SOX5: variants seen among roughly 807,000 people sequenced by gnomAD.
SOX5 encodes SRY-box transcription factor 5, also known as transcription factor SOX-5.
A neutral mutation model predicts 92.0 loss-of-function variants in SOX5; 9 were observed. The observed-to-expected ratio is 0.10, with a 90% CI of 0.06 to 0.17. The LOEUF (loss-of-function observed/expected upper bound fraction) is 0.17, where lower values mean the gene tolerates loss of function less well. Among genes scored for constraint, SOX5 ranks in the 10% least tolerant of loss-of-function variants. The probability of loss-of-function intolerance (pLI) is 1.00; values close to 1 mark genes in which losing one functional copy is unlikely to be tolerated. For missense variants in SOX5, 642 were observed against 944.5 expected (o/e 0.68, Z 4.20); for synonymous variants, 344 against 336.3 (o/e 1.02, Z -0.25).
intron 1 of SOX5, among the ~76,000 whole-genome samples, chr12:24,510,887 C>A (rs936890825): frequency 6.6e-6 from 1 of 152,186 alleles, no homozygotes; most frequent in Non-Finnish European, 1.5e-5. Context: ...GGAAAGTATT[C>A]TTGGCTGAAA....
At chr12:24,395,255 A>G (rs961129168) in intron 1 of SOX5, among the ~76,000 whole-genome samples, 6 of 152,190 alleles carry the variant, frequency 3.9e-5, no homozygotes, top group Non-Finnish European at 7.3e-5. Flanking sequence ...TATTAAAAAA[A>G]AAAAGAGCTA....
chr12:23,592,161 T>G (rs913557255), intron 9 of SOX5, among the ~76,000 whole-genome samples: 2 of 152,080 alleles, frequency 1.3e-5, no homozygotes, highest in African/African-American at 4.8e-5. Flanking sequence ...TTCGTGAAAA[T>G]GTGAGGTTAT....
intron 4 of SOX5, among the ~76,000 whole-genome samples, chr12:24,116,072 A>C (rs1947956557): frequency 6.6e-6 from 1 of 152,156 alleles, no homozygotes; most frequent in Non-Finnish European, 1.5e-5. Context: ...AAGTAAAGTA[A>C]TATAACTATC....
chr12:24,401,672 C>T (rs1196991309), intron 1 of SOX5, among the ~76,000 whole-genome samples: 3 of 140,398 alleles, frequency 2.1e-5, no homozygotes, highest in African/African-American at 5.4e-5. Context: ...TGAGCCACTT[C>T]GCTCCAGCCT....
chr12:24,146,626 T>A (rs1317492784), intron 4 of SOX5, among the ~76,000 whole-genome samples: 1 of 149,858 alleles, frequency 6.7e-6, no homozygotes, highest in African/African-American at 2.5e-5. Flanking sequence ...GAAAAGTAAA[T>A]TCAATGAAAC....
At chr12:23,866,736 T>C (rs1179361933) in intron 2 of SOX5, among the ~76,000 whole-genome samples, 1 of 152,194 alleles carries the variant, frequency 6.6e-6, no homozygotes, top group Non-Finnish European at 1.5e-5. Context: ...TGGTTTTTCA[T>C]CCTTCTCCGA....
At position 24,398,115 on chromosome 12, in the gene SOX5, G is replaced by T. The variant is rs181463739; in HGVS notation, c.-250-29476C>A. On this transcript the variant is annotated intron_variant, in intron 1 of 4. Coordinates refer to the SOX5 transcript ENST00000446891. Reference sequence around the variant, plus strand: ...TCCGCCCACCTCGGCCTCCCAAAGTGCTGGTATTACAGGTGTGAGCCACCA... The same window carrying T: ...TCCGCCCACCTCGGCCTCCCAAAGTTCTGGTATTACAGGTGTGAGCCACCA... 2.3e-3 allele frequency among the ~76,000 whole-genome samples: 352 copies of T among 152,250 alleles called. 1 individual carries two copies. The highest frequency in any genetic ancestry group is 0.01 in the Middle Eastern group (3 of 294).
chr12:24,254,590 G>A (rs1940801635), intron 3 of SOX5, among the ~76,000 whole-genome samples: 1 of 151,828 alleles, frequency 6.6e-6, no homozygotes, highest in Non-Finnish European at 1.5e-5. Flanking sequence ...AAGAACAGAA[G>A]GTAGCATGGG....
chr12:24,428,274 T>C (rs1966901738), intron 1 of SOX5, among the ~76,000 whole-genome samples: 1 of 151,686 alleles, frequency 6.6e-6, no homozygotes, highest in South Asian at 2.1e-4. Context: ...CTGGCCAGTC[T>C]GAACGACTTG....
intron 1 of SOX5, among the ~76,000 whole-genome samples, chr12:24,406,930 G>A (rs1400729729): frequency 6.6e-6 from 1 of 152,130 alleles, no homozygotes; most frequent in African/African-American, 2.4e-5. Context: ...AAATATGTTG[G>A]GGGTAGACAG....
At chr12:24,491,456 G>A (rs11614648) in intron 1 of SOX5, among the ~76,000 whole-genome samples, 4,377 of 151,680 alleles carry the variant, frequency 0.029, 76 homozygotes, top group Middle Eastern at 0.055. Flanking sequence ...TCACTTGCTA[G>A]TGTTTGGTCA....
chr12:23,562,426 T>C (rs1393841141), intron 11 of SOX5, among the ~76,000 whole-genome samples: 1 of 152,224 alleles, frequency 6.6e-6, no homozygotes, highest in Non-Finnish European at 1.5e-5. Context: ...TGGACAAGTC[T>C]GTTTGACTCA....
chr12:23,701,334 G>T (rs1313564511), intron 6 of SOX5, among the ~76,000 whole-genome samples: 1 of 151,668 alleles, frequency 6.6e-6, no homozygotes, highest in Non-Finnish European at 1.5e-5. Flanking sequence ...AGAGAAATTG[G>T]AATTCTGAGG....
chr12:23,758,773 A>T (rs576189381), intron 3 of SOX5, among the ~76,000 whole-genome samples: 1 of 152,008 alleles, frequency 6.6e-6, no homozygotes, highest in African/African-American at 2.4e-5. Context: ...TAAGGGCTCC[A>T]CCCACATGAA....
intron 3 of SOX5, among the ~76,000 whole-genome samples, chr12:23,840,880 A>G (rs1296594433): frequency 1.3e-5 from 2 of 152,128 alleles, no homozygotes; most frequent in Non-Finnish European, 2.9e-5. Context: ...GAAAAACTAC[A>G]CTAACTTCAA....
chr12:24,323,231 C>A (rs532137993), intron 2 of SOX5, among the ~76,000 whole-genome samples: 1 of 151,730 alleles, frequency 6.6e-6, no homozygotes, highest in African/African-American at 2.4e-5. Context: ...TAAATGATTT[C>A]ATTCATTCTC....
intron 4 of SOX5, among the ~76,000 whole-genome samples, chr12:24,029,027 TA>T (rs201181993): frequency 0.018 from 2,770 of 152,040 alleles, 38 homozygotes; most frequent in Middle Eastern, 0.088. Flanking sequence ...ATTTCAAAAA[TA>T]ACCATATTTT....
At chr12:23,743,090 AC>A (rs1392175782) in intron 4 of SOX5, among the ~76,000 whole-genome samples, 2 of 152,202 alleles carry the variant, frequency 1.3e-5, no homozygotes, top group African/African-American at 4.8e-5. Context: ...GTATTTTGTA[AC>A]CATAAAAAAT....
intron 2 of SOX5, among the ~76,000 whole-genome samples, chr12:24,342,690 C>A (rs146942900): frequency 6.6e-6 from 1 of 152,322 alleles, no homozygotes; most frequent in Non-Finnish European, 1.5e-5. Context: ...GCCACTTCAA[C>A]AGCTTCCTAA....
Sources: allele counts gnomAD v4.1 joint callset (sites outside exome capture counted in the v4.1 genomes callset), GRCh38; gene constraint gnomAD v4.1.1; transcripts MANE v1.5; gene names NCBI Gene and HGNC (gene_info 2026-07-23, HGNC 2026-07-21).